The following POGZ variants were observed in gnomAD, a reference collection of about 807,000 sequenced individuals.
POGZ encodes pogo transposable element with ZNF domain.
A neutral mutation model predicts 134.6 loss-of-function variants in POGZ; 17 were observed. The observed-to-expected ratio is 0.13, with a 90% CI of 0.09 to 0.19. POGZ has a LOEUF of 0.19. Among genes scored for constraint, POGZ ranks in the 10% least tolerant of loss-of-function variants. The pLI is 1.00. For missense variants in POGZ, 1,306 were observed against 1,769.7 expected (o/e 0.74, Z 4.70); for synonymous variants, 693 against 657.1 (o/e 1.05, Z -0.84).
At chr1:151,419,863 G>A (rs935289771) in intron 10 of POGZ, among the ~76,000 whole-genome samples, 8 of 151,724 alleles carry the variant, frequency 5.3e-5, no homozygotes. Flanking sequence ...ATCAATGAGG[G>A]TCTACATTGT....
chr1:151,406,637 G>A lies in POGZ; in HGVS notation c.2546-6C>T. The A allele has an allele frequency of 6.2e-7, 1 of 1,606,256 alleles. No individual in the cohort carries two copies. Among genetic ancestry groups the A allele is most frequent in the Non-Finnish European group, 8.5e-7 (1 of 1,177,488 alleles). On this transcript the variant is annotated splice_region_variant and splice_polypyrimidine_tract_variant and intron_variant, in intron 17 of 18. Coordinates refer to ENST00000271715, the MANE Select transcript of POGZ (RefSeq NM_015100.4). ...GTGAGCTATCCAAGTGAGTCCTATG[G>A]AAAATGAAACAACAAAAATAGTTAG...
At position 151,422,035 on chromosome 1, in the gene POGZ, C is replaced by T. The variant is rs189149202; in HGVS notation, c.1678+1362G>A. Among the ~76,000 whole-genome samples the T allele has an allele frequency of 2.6e-5, 4 of 152,316 alleles. No individual in the cohort carries two copies. In the East Asian group the frequency reaches 7.7e-4, roughly 29 times the overall value. ...AAGTGCTGGGATTACAGGTGTGAGCCACCACACCCAGTCCTTATTGTTTAA... is the reference window on the plus strand; with the variant it reads ...AAGTGCTGGGATTACAGGTGTGAGCTACCACACCCAGTCCTTATTGTTTAA... On this transcript the variant is annotated intron_variant, in intron 10 of 18. Coordinates refer to ENST00000271715, the MANE Select transcript of POGZ (RefSeq NM_015100.4).
chr1:151,406,257 A>G lies in POGZ; in HGVS notation c.2778T>C (p.Ala926=). Reference sequence around the variant, plus strand: ...CTGTAGCCAGCGGTGGAAGGGCTAAAGCCTGCGGGTGAGTGGGGGTTGGTG... The same window carrying G: ...CTGTAGCCAGCGGTGGAAGGGCTAAGGCCTGCGGGTGAGTGGGGGTTGGTG... ...TPPPTPTHPQ[A]LALPPLATEG... Residue 926 remains alanine (A), a synonymous_variant, in exon 19 of 19, where the codon GCT becomes GCC. Coordinates refer to ENST00000271715, the MANE Select transcript of POGZ (RefSeq NM_015100.4). The G allele has an allele frequency of 6.2e-7, 1 of 1,613,760 alleles. No homozygotes were observed. The highest frequency in any genetic ancestry group is 8.5e-7 in the Non-Finnish European group (1 of 1,179,782).
At chr1:151,417,068 C>CTT (rs562262990) in intron 10 of POGZ, among the ~76,000 whole-genome samples, 3 of 144,964 alleles carry the variant, frequency 2.1e-5, no homozygotes, top group East Asian at 2.0e-4. Context: ...TCTGTTAGAT[C>CTT]TTTTTTTTTT....
At chr1:151,424,397 C>T (rs1359863357) in intron 8 of POGZ, 111 bp from the exon 9 acceptor site, 2 of 672,460 alleles carry the variant, frequency 3.0e-6, no homozygotes, top group Non-Finnish European at 4.9e-6. Flanking sequence ...TATTCTCATT[C>T]AGCTTTCACC....
intron 1 of POGZ, among the ~76,000 whole-genome samples, chr1:151,449,662 C>T (rs574542690): frequency 3.3e-5 from 5 of 152,148 alleles, no homozygotes; most frequent in South Asian, 2.1e-4. Flanking sequence ...TTTGGGAGGC[C>T]GAGGTGGGCG....
chr1:151,411,808 A>C, intron 11 of POGZ, 37 bp from the exon 12 acceptor site: 1 of 1,582,208 alleles, frequency 6.3e-7, no homozygotes, highest in Non-Finnish European at 8.6e-7. Flanking sequence ...GCTAAGAATG[A>C]AGTGAACAAC....
chr1:151,431,571 ACCTAC>A (rs1658701945), intron 3 of POGZ, among the ~76,000 whole-genome samples: 1 of 152,224 alleles, frequency 6.6e-6, no homozygotes, highest in Non-Finnish European at 1.5e-5. Context: ...CTGACAGGCT[ACCTAC>A]CGTAGCCCTC....
intron 1 of POGZ, among the ~76,000 whole-genome samples, chr1:151,449,139 T>A (rs1661680014): frequency 6.6e-6 from 1 of 152,162 alleles, no homozygotes. Context: ...TTCATCATAT[T>A]CCAGTGTTCT....
At chr1:151,425,593 G>C (rs1310883046) in intron 7 of POGZ, among the ~76,000 whole-genome samples, 1 of 152,014 alleles carries the variant, frequency 6.6e-6, no homozygotes, top group Non-Finnish European at 1.5e-5. Flanking sequence ...CAAGTAAGTG[G>C]AATCATATGG....
Position 151,424,165 on chromosome 1 carries a change from G to A in POGZ, c.1307C>T (p.Pro436Leu), listed in dbSNP as rs762060775. 6.2e-7 allele frequency: 1 copy of A among 1,614,080 alleles called. No homozygotes were observed. Among genetic ancestry groups the A allele is most frequent in the African/African-American group, 1.3e-5 (1 of 75,028 alleles). The change falls in exon 9 of 19, where the codon CCC becomes CTC. Residue 436 changes from proline (P) to leucine (L), a missense_variant. Coordinates refer to ENST00000271715, the MANE Select transcript of POGZ (RefSeq NM_015100.4). ...CAGAGCAGGAATAGGTGTAGAAGAG[G>A]GTGTGGAAGCAACAGGAGCTGTTTT... ...PEKTAPVAST[P>L]SSTPIPALSP...
Position 151,404,883 on chromosome 1 carries a change from A to T in POGZ, c.4152T>A (p.Leu1384=). Residue 1384 remains leucine (L), a synonymous_variant, in exon 19 of 19, where the codon CTT becomes CTA. Transcript: ENST00000271715. ...SPEETIEPES[L]HQLFEGESET... is the part of the protein sequence containing the mutation. ...CACTTTCACCCTCAAAGAGCTGGTG[A>T]AGACTTTCAGGCTCAATTGTCTCTT... The T allele has an allele frequency of 6.2e-7, 1 of 1,614,162 alleles. No homozygotes were observed. The highest frequency in any genetic ancestry group is 8.5e-7 in the Non-Finnish European group (1 of 1,180,028).
In POGZ at chr1:151,405,599, C is replaced by A. The variant is rs1289229659; in HGVS notation, c.3436G>T (p.Ala1146Ser). ...VLSSDDRKEN[A>S]LQTVGTGEPW... ...TCCCCTGTGCCCACTGTCTGCAGGG[C>A]ATTCTCCTTTCGATCATCACTGCTC... The change falls in exon 19 of 19, where the codon GCC becomes TCC. Residue 1146 changes from alanine to serine, a missense_variant. Physicochemically the swap from Ala to Ser is moderately conservative, Grantham distance 99. Around this residue, in one of 10 missense-constraint regions of POGZ, gnomAD observed 161 missense variants for 185.4 expected, o/e 0.87. Coordinates refer to ENST00000271715, the MANE Select transcript of POGZ (RefSeq NM_015100.4). The surrounding 1 kb of genome is among the most constrained non-coding windows in gnomAD (Gnocchi z 4.9). 5 of 1,614,050 alleles carry A rather than the reference C, an allele frequency of 3.1e-6. No homozygotes were observed. The African/African-American group carries it at 4.0e-5, about 13-fold the overall frequency.
intron 18 of POGZ, 39 bp from the exon 19 acceptor site, chr1:151,406,503 A>G: frequency 6.4e-7 from 1 of 1,555,952 alleles, no homozygotes; most frequent in Non-Finnish European, 8.6e-7. Flanking sequence ...GAGAAATCTC[A>G]GTTCAACTAG....
chr1:151,453,395 T>G (rs1387631449), intron 1 of POGZ, among the ~76,000 whole-genome samples: 1 of 152,000 alleles, frequency 6.6e-6, no homozygotes, highest in Non-Finnish European at 1.5e-5. Flanking sequence ...TCTTGATTTA[T>G]TCCCAGGACC....
rs1186810768 is a variant in POGZ at position 151,406,452 on chromosome 1, A to C, written c.2583T>G (p.Thr861=). 3.2e-6 allele frequency: 5 copies of C among 1,551,770 alleles called. No individual in the cohort carries two copies. Among genetic ancestry groups the C allele is most frequent in the Non-Finnish European group, 4.3e-6 (5 of 1,152,212 alleles). Residue 861 remains threonine, a synonymous_variant, in exon 19 of 19, where the codon ACT becomes ACG. Coordinates refer to ENST00000271715, the MANE Select transcript of POGZ (RefSeq NM_015100.4). ...TWIAHSRHGQ[T]RDRVHDRNVK... is the part of the protein sequence containing the mutation. ...CGTTCCGGTCATGCACTCGGTCACG[A>C]GTCTGGCCATGCCTAAAGGGGTGAG...
intron 12 of POGZ, 28 bp from the exon 13 acceptor site, chr1:151,408,856 C>G (rs1557874251): frequency 1.9e-6 from 3 of 1,600,598 alleles, no homozygotes; most frequent in Non-Finnish European, 2.6e-6. Context: ...AAAAAAGAGA[C>G]AAAATCCCTT....
chr1:151,410,962 A>G (rs974466856), intron 12 of POGZ, among the ~76,000 whole-genome samples: 2 of 152,204 alleles, frequency 1.3e-5, no homozygotes, highest in Admixed American at 1.3e-4. Context: ...TTCAAAAGCC[A>G]ATAGCCACTA....
intron 1 of POGZ, among the ~76,000 whole-genome samples, chr1:151,458,804 C>T (rs1186023600): frequency 6.9e-6 from 1 of 145,218 alleles, no homozygotes; most frequent in Non-Finnish European, 1.5e-5. Context: ...GGCCGTGGGG[C>T]GCGAGTGCGC....
Sources: gnomAD v4.1 joint callset for allele counts (sites outside exome capture counted in the v4.1 genomes callset) on GRCh38, gnomAD v4.1.1 for gene constraint, gnomAD v4.1.1 regional missense constraint, Gnocchi (gnomAD v3.1) non-coding constraint, MANE v1.5 for transcripts, NCBI Gene and HGNC (gene_info 2026-07-23, HGNC 2026-07-21) for gene names.